The following PCCA variants were observed in gnomAD, a reference collection of about 807,000 sequenced individuals.
PCCA encodes propionyl-CoA carboxylase subunit alpha, also known as propionyl-CoA carboxylase alpha chain, mitochondrial.
In PCCA, 74 loss-of-function variants were observed where a neutral mutation model predicts 101.3. The ratio of observed to expected loss-of-function variants is 0.73; its 90% CI spans 0.61 to 0.89. The LOEUF (loss-of-function observed/expected upper bound fraction) is 0.89, where lower values mean the gene tolerates loss of function less well. Ranked by LOEUF, PCCA falls within the 40% of genes least tolerant of loss-of-function variation. The pLI, the probability that PCCA is intolerant of heterozygous loss-of-function variation, is 0.00. For synonymous variants in PCCA, 294 were observed against 313.6 expected (o/e 0.94, Z 0.66); for missense variants, 891 against 907.0 (o/e 0.98, Z 0.23).
At chr13:100,498,730 A>T (rs2085455530) in intron 21 of PCCA, among the ~76,000 whole-genome samples, 1 of 151,966 alleles carries the variant, frequency 6.6e-6, no homozygotes, top group African/African-American at 2.4e-5. Flanking sequence ...AACACTTCTG[A>T]GGTTCATCCA....
chr13:100,239,183 A>G (rs1354370190), intron 8 of PCCA, among the ~76,000 whole-genome samples: 1 of 152,176 alleles, frequency 6.6e-6, no homozygotes, highest in East Asian at 1.9e-4. Flanking sequence ...TTCTAATGCT[A>G]ATTCTTGGGT....
chr13:100,104,906 G>A, intron 2 of PCCA, among the ~76,000 whole-genome samples: 1 of 151,946 alleles, frequency 6.6e-6, no homozygotes, highest in East Asian at 1.9e-4. Flanking sequence ...GTTTCACCAT[G>A]TTGGGCAGGC....
At chr13:100,385,213 AC>A (rs1468993450) in intron 19 of PCCA, among the ~76,000 whole-genome samples, 2 of 152,226 alleles carry the variant, frequency 1.3e-5, no homozygotes, top group Non-Finnish European at 2.9e-5. Flanking sequence ...ATTGGCAAGA[AC>A]TTTTTCCTTG....
In PCCA at chr13:100,126,689, A is replaced by C. The variant is rs148975292; in HGVS notation, c.300+14628A>C. Among the ~76,000 whole-genome samples, 477 of 152,314 alleles carry C rather than the reference A, an allele frequency of 3.1e-3. 1 individual carries two copies. The highest frequency in any genetic ancestry group is 0.011 in the African/African-American group (451 of 41,560). On this transcript the variant is annotated intron_variant, in intron 4 of 23. Transcript: ENST00000376285. ...GTATTTTGGGGGAATGGAACTAATA[A>C]ATTGAATTCCTTTTAGAAAATAAAT...
intron 21 of PCCA, among the ~76,000 whole-genome samples, chr13:100,461,785 C>T (rs1430726109): frequency 1.3e-5 from 2 of 152,172 alleles, no homozygotes; most frequent in African/African-American, 2.4e-5. Flanking sequence ...TTTGGTGGGT[C>T]ATCTGGCTGA....
intron 21 of PCCA, chr13:100,490,698 C>T (rs2084842054): frequency 6.6e-6 from 1 of 152,266 alleles, no homozygotes; most frequent in South Asian, 2.1e-4. Flanking sequence ...CCCAAAAGTT[C>T]CTTTCTGCCT....
intron 16 of PCCA, among the ~76,000 whole-genome samples, chr13:100,322,556 T>C (rs2068179868): frequency 6.6e-6 from 1 of 151,816 alleles, no homozygotes; most frequent in African/African-American, 2.4e-5. Flanking sequence ...TGGATTGCAA[T>C]TTTCTTTTTT....
chr13:100,108,995 A>G (rs952548641), intron 2 of PCCA, among the ~76,000 whole-genome samples: 5 of 152,224 alleles, frequency 3.3e-5, no homozygotes, highest in African/African-American at 9.6e-5. Context: ...TAATACATTA[A>G]TAGCCCTTAA....
intron 6 of PCCA, among the ~76,000 whole-genome samples, chr13:100,186,486 T>TA (rs1276225268): frequency 2.0e-5 from 3 of 152,148 alleles, no homozygotes; most frequent in Admixed American, 6.6e-5. Flanking sequence ...CTCATGCCTG[T>TA]AATCCAGCAC....
chr13:100,275,728 A>G (rs1399831765), intron 12 of PCCA, among the ~76,000 whole-genome samples: 2 of 150,802 alleles, frequency 1.3e-5, no homozygotes, highest in African/African-American at 4.9e-5. Flanking sequence ...TTTTTCCTGT[A>G]CAAGTTTGGG....
chr13:100,405,140 T>G lies in PCCA; in HGVS notation c.1747-20493T>G, dbSNP rs556419665. Among the ~76,000 whole-genome samples, 3 of 152,324 alleles carry G rather than the reference T, an allele frequency of 2.0e-5. No homozygotes were observed. The South Asian group carries it at 6.2e-4, about 32-fold the overall frequency. On this transcript the variant is annotated intron_variant, in intron 19 of 23. Coordinates refer to ENST00000376285, the MANE Select transcript of PCCA (RefSeq NM_000282.4). Reference sequence around the variant, plus strand: ...CCCAGATAACTGGTGACTGTAGTTATGCTTGCTAGGATTTGGGTGCATGGT... The same window carrying G: ...CCCAGATAACTGGTGACTGTAGTTAGGCTTGCTAGGATTTGGGTGCATGGT...
At chr13:100,422,082 C>CTTT (rs1401250740) in intron 19 of PCCA, among the ~76,000 whole-genome samples, 1 of 127,528 alleles carries the variant, frequency 7.8e-6, no homozygotes, top group African/African-American at 3.4e-5. Flanking sequence ...TTCTTTCTTT[C>CTTT]TTTCTTTCTT....
rs565822178 is a variant in PCCA at position 100,094,089 on chromosome 13, A to G, written c.105+4864A>G. Reference sequence around the variant, plus strand: ...ACTAAAAATACAAAATTAGCCGGGCATGGTGGCGCATGCCTGTAATCTCAG... The same window carrying G: ...ACTAAAAATACAAAATTAGCCGGGCGTGGTGGCGCATGCCTGTAATCTCAG... On this transcript the variant is annotated intron_variant, in intron 1 of 23. Transcript: ENST00000376285. Among the ~76,000 whole-genome samples the G allele has an allele frequency of 1.1e-4, 17 of 150,700 alleles. No individual in the cohort carries two copies. The East Asian group carries it at 2.8e-3, about 25-fold the overall frequency.
At chr13:100,451,632 C>G (rs149571380) in intron 21 of PCCA, among the ~76,000 whole-genome samples, 3 of 152,120 alleles carry the variant, frequency 2.0e-5, no homozygotes, top group African/African-American at 4.8e-5. Context: ...AGTTTTTCCT[C>G]TCTCTGAAAA....
At chr13:100,408,478 T>G (rs996667232) in intron 19 of PCCA, among the ~76,000 whole-genome samples, 1 of 152,226 alleles carries the variant, frequency 6.6e-6, no homozygotes, top group African/African-American at 2.4e-5. Context: ...TTATCTTCCC[T>G]TTAAAAAATA....
At chr13:100,095,494 AAGAT>A (rs906163583) in intron 1 of PCCA, among the ~76,000 whole-genome samples, 3 of 152,184 alleles carry the variant, frequency 2.0e-5, no homozygotes, top group African/African-American at 7.2e-5. Flanking sequence ...TCGAAGGAAA[AAGAT>A]AGGTTAATGG....
intron 6 of PCCA, among the ~76,000 whole-genome samples, chr13:100,189,747 C>T (rs2057607618): frequency 6.6e-6 from 1 of 152,224 alleles, no homozygotes; most frequent in African/African-American, 2.4e-5. Flanking sequence ...TGAACTCAAG[C>T]AATCCCCTTG....
intron 19 of PCCA, among the ~76,000 whole-genome samples, chr13:100,415,768 T>C (rs1275376533): frequency 6.6e-6 from 1 of 152,254 alleles, no homozygotes; most frequent in Non-Finnish European, 1.5e-5. Flanking sequence ...TTTTACAGCC[T>C]CTGTCTTCCT....
At chr13:100,247,264 C>T (rs368882332) in intron 8 of PCCA, among the ~76,000 whole-genome samples, 1 of 142,486 alleles carries the variant, frequency 7.0e-6, no homozygotes, top group Non-Finnish European at 1.5e-5. Flanking sequence ...GTCGCCCAGA[C>T]GGGAGTACAG....
Sources: allele counts gnomAD v4.1 joint callset (sites outside exome capture counted in the v4.1 genomes callset), GRCh38; gene constraint gnomAD v4.1.1; transcripts MANE v1.5; gene names NCBI Gene and HGNC (gene_info 2026-07-23, HGNC 2026-07-21).